Variants in GALNT2 observed in about 807,000 individuals in gnomAD.
GALNT2 encodes the protein polypeptide N-acetylgalactosaminyltransferase 2, also known as UDP-GalNAc:polypeptide N-acetylgalactosaminyltransferase 2.
A neutral mutation model predicts 81.4 loss-of-function variants in GALNT2; 31 were observed. The observed-to-expected ratio is 0.38, with a 90% CI of 0.29 to 0.51. GALNT2 has a LOEUF of 0.51. Among genes scored for constraint, GALNT2 ranks in the 20% least tolerant of loss-of-function variants. GALNT2 has a pLI of 0.87. For synonymous variants in GALNT2, 303 were observed against 287.4 expected, an observed-to-expected ratio of 1.05 and a Z score of -0.55; for missense variants, 629 against 765.7, an observed-to-expected ratio of 0.82 and a Z score of 2.11.
chr1:230,280,211 C>T lies in GALNT2; in HGVS notation c.*753C>T. 2.8e-6 allele frequency: 1 copy of T among 352,028 alleles called. No individual in the cohort carries two copies. Among genetic ancestry groups the T allele is most frequent in the South Asian group, 2.2e-5 (1 of 45,242 alleles). 21.8% of individuals were successfully genotyped at this position (352,028 alleles called of 1,614,324 possible). A position where few individuals can be genotyped will look rare whatever the true frequency, so the allele number is the denominator to read the frequency against. On this transcript the variant is annotated 3_prime_UTR_variant, in exon 16 of 16. Transcript: ENST00000366672. ...AGTTTCTCACAGAGGGAGGAGGTGG[C>T]CTTTGTCCCCTGGAGCCCGATCAGC...
intron 2 of GALNT2, among the ~76,000 whole-genome samples, chr1:230,197,114 C>G (rs894153264): frequency 1.4e-4 from 21 of 152,132 alleles, no homozygotes; most frequent in African/African-American, 5.1e-4. Flanking sequence ...CCTCCACACT[C>G]CACCTGACAT....
intron 1 of GALNT2, among the ~76,000 whole-genome samples, chr1:230,099,164 G>A (rs945745779): frequency 6.6e-6 from 1 of 152,136 alleles, no homozygotes; most frequent in Non-Finnish European, 1.5e-5. Context: ...TAGGTATCAC[G>A]CTCCATGTGC....
chr1:230,131,038 A>G (rs781601029), intron 1 of GALNT2, among the ~76,000 whole-genome samples: 8 of 152,206 alleles, frequency 5.3e-5, no homozygotes, highest in Non-Finnish European at 1.2e-4. Flanking sequence ...AAAACTAGGC[A>G]TCTCGCTAGC....
intron 1 of GALNT2, among the ~76,000 whole-genome samples, chr1:230,133,138 T>C (rs1048176120): frequency 1.3e-5 from 2 of 152,242 alleles, no homozygotes; most frequent in African/African-American, 2.4e-5. Context: ...TAACATTGTA[T>C]GGATATGTCC....
intron 1 of GALNT2, among the ~76,000 whole-genome samples, chr1:230,135,054 A>T (rs1011414754): frequency 2.6e-5 from 4 of 152,230 alleles, no homozygotes; most frequent in Non-Finnish European, 5.9e-5. Flanking sequence ...TCAAAGCAAT[A>T]TTAATGTATT....
intron 1 of GALNT2, 31 bp from the exon 2 acceptor site, chr1:230,178,187 G>A: frequency 1.9e-6 from 3 of 1,544,454 alleles, no homozygotes; most frequent in African/African-American, 1.4e-5. Context: ...TGAAGAACAA[G>A]TCAACTCATT....
intron 3 of GALNT2, among the ~76,000 whole-genome samples, chr1:230,235,803 A>C (rs1665008918): frequency 6.6e-6 from 1 of 152,186 alleles, no homozygotes; most frequent in Non-Finnish European, 1.5e-5. Context: ...GAAATCGTTC[A>C]TCTCTCAGAA....
At chr1:230,123,861 G>T (rs562422853) in intron 1 of GALNT2, among the ~76,000 whole-genome samples, 1 of 152,260 alleles carries the variant, frequency 6.6e-6, no homozygotes, top group East Asian at 1.9e-4. Context: ...AAAATGACCT[G>T]CACACTTAGC....
intron 1 of GALNT2, among the ~76,000 whole-genome samples, chr1:230,163,164 A>AAACAAC (rs35261001): frequency 6.6e-6 from 1 of 151,250 alleles, no homozygotes; most frequent in Non-Finnish European, 1.5e-5. Context: ...CTCCGCATTA[A>AAACAAC]AACAACAACA....
chr1:230,278,117 T>C (rs1666346072), intron 15 of GALNT2, among the ~76,000 whole-genome samples: 1 of 149,904 alleles, frequency 6.7e-6, no homozygotes, highest in African/African-American at 2.4e-5. Context: ...TCTTTCTTTT[T>C]TTTTTTTTTT....
At chr1:230,097,119 C>T (rs573032481) in intron 1 of GALNT2, among the ~76,000 whole-genome samples, 7 of 152,296 alleles carry the variant, frequency 4.6e-5, no homozygotes, top group South Asian at 2.1e-4. Context: ...TAACATTACA[C>T]GCCAAACCCT....
intron 1 of GALNT2, among the ~76,000 whole-genome samples, chr1:230,176,317 T>A (rs1415967859): frequency 6.6e-6 from 1 of 152,230 alleles, no homozygotes; most frequent in Admixed American, 6.5e-5. Flanking sequence ...ATGGTTGACC[T>A]GCAAATGTCA....
rs1664276900 is a variant in GALNT2, at chr1:230,212,888, TAAAG to T, written c.374+9601_374+9604del. 5.3e-5 allele frequency among the ~76,000 whole-genome samples: 8 copies of T among 152,360 alleles called. No individual in the cohort carries two copies. The South Asian group carries it at 1.4e-3, about 28-fold the overall frequency. On this transcript the variant is annotated intron_variant, in intron 3 of 15. Transcript: ENST00000366672. ...TTTCAGGCCTTCTCTCTGTCTGAAT[TAAAG>T]AATGCATTGAGACTGGTATAAGTAG...
intron 1 of GALNT2, among the ~76,000 whole-genome samples, chr1:230,156,892 C>CA (rs1166022852): frequency 1.3e-5 from 2 of 152,174 alleles, no homozygotes; most frequent in African/African-American, 4.8e-5. Flanking sequence ...TAAGAAACAT[C>CA]AACTGTTTTG....
Position 230,249,254 on chromosome 1 carries a change from C to G in GALNT2, c.888C>G (p.Asn296Lys). ...AGCAGAGAAGGTCCCGGCAGGGGAACCCAGTCGCCCCTATAAAGTAAGTGC... is the reference window on the plus strand; with the variant it reads ...AGCAGAGAAGGTCCCGGCAGGGGAAGCCAGTCGCCCCTATAAAGTAAGTGC... ...TPEQRRSRQGNPVAPIKTPMI... is the reference protein window; with the variant it reads ...TPEQRRSRQGKPVAPIKTPMI... Residue 296 changes from asparagine (N) to lysine (K), a missense_variant, in exon 9 of 16, where the codon AAC (asparagine) becomes AAG (lysine). Transcript: ENST00000366672. 6.2e-7 allele frequency: 1 copy of G among 1,614,030 alleles called. No individual in the cohort carries two copies. Among genetic ancestry groups the G allele is most frequent in the Non-Finnish European group, 8.5e-7 (1 of 1,179,956 alleles).
At chr1:230,128,259 G>A (rs939733603) in intron 1 of GALNT2, among the ~76,000 whole-genome samples, 1 of 149,988 alleles carries the variant, frequency 6.7e-6, no homozygotes, top group African/African-American at 2.4e-5. Context: ...GCTGGAGAAT[G>A]TGTGTGTGTG....
rs117108861 is a variant in GALNT2, at chr1:230,085,929, C to T, written c.126+18523C>T. ...ATGTTTGTGAAATGTTGGGGAAACC[C>T]GAGGCAATACCTGGAGCCCAGAAGA... On this transcript the variant is annotated intron_variant, in intron 1 of 15. Transcript: ENST00000366672. 3.9e-5 allele frequency among the ~76,000 whole-genome samples: 6 copies of T among 152,242 alleles called. No homozygotes were observed. The East Asian group carries it at 1.2e-3, about 29-fold the overall frequency.
Position 230,243,328 on chromosome 1 carries a change from G to A in GALNT2, c.630G>A (p.Arg210=), listed in dbSNP as rs140249782. Residue 210 remains arginine, a synonymous_variant, in exon 7 of 16, where the codon CGG becomes CGA. Coordinates refer to ENST00000366672, the MANE Select transcript of GALNT2 (RefSeq NM_004481.5). This position sits in a 1 kb window ranked among gnomAD's most constrained non-coding sequence, Gnocchi z 4.2. ...RREGLMRSRV[R]GADAAQAKVL... The stretch of plus-strand genomic sequence containing the variant: ...CAGGCCTCATGCGCTCACGGGTTCG[G>A]GGGGCCGATGCTGCCCAAGCCAAGG... The A allele has an allele frequency of 1.5e-4, 236 of 1,608,152 alleles. 1 individual carries two copies. The East Asian group carries it at 5.1e-3, about 35-fold the overall frequency.
At chr1:230,175,623 T>G (rs1572051079) in intron 1 of GALNT2, among the ~76,000 whole-genome samples, 1 of 90,580 alleles carries the variant, frequency 1.1e-5, no homozygotes, top group Non-Finnish European at 2.1e-5. Context: ...CCCCTCCCTC[T>G]CCCCTCCTCC....
Sources: gnomAD v4.1 joint callset for allele counts (sites outside exome capture counted in the v4.1 genomes callset) on GRCh38, gnomAD v4.1.1 for gene constraint, Gnocchi (gnomAD v3.1) non-coding constraint, MANE v1.5 for transcripts, NCBI Gene and HGNC (gene_info 2026-07-23, HGNC 2026-07-21) for gene names.